The following ZNF804B variants were observed in gnomAD, a reference collection of about 807,000 sequenced individuals.
ZNF804B encodes the protein zinc finger 804B.
ZNF804B carries 80 observed loss-of-function variants against 101.4 expected under a neutral mutation model. The observed-to-expected ratio is 0.79, with a 90% CI of 0.66 to 0.95. The LOEUF is 0.95. Among genes scored for constraint, ZNF804B ranks in the 40% least tolerant of loss-of-function variants. ZNF804B has a pLI of 0.00. For synonymous variants in ZNF804B, 622 were observed against 558.8 expected, an observed-to-expected ratio of 1.11 and a Z score of -1.59; for missense variants, 1,673 against 1,561.9, an observed-to-expected ratio of 1.07 and a Z score of -1.20.
chr7:88,763,822 T>C (rs1789937890), intron 1 of ZNF804B, among the ~76,000 whole-genome samples: 1 of 152,164 alleles, frequency 6.6e-6, no homozygotes, highest in Admixed American at 6.5e-5. Context: ...AGAAGTTTTT[T>C]ATATATTATG....
intron 2 of ZNF804B, among the ~76,000 whole-genome samples, chr7:89,229,019 G>A (rs1214659678): frequency 2.0e-5 from 3 of 151,682 alleles, no homozygotes; most frequent in Admixed American, 6.6e-5. Context: ...CGGCTGCTCC[G>A]AGTGTGGGGC....
chr7:88,895,071 G>T (rs1387273911), intron 1 of ZNF804B, among the ~76,000 whole-genome samples: 1 of 152,044 alleles, frequency 6.6e-6, no homozygotes, highest in Non-Finnish European at 1.5e-5. Context: ...CACTGATGGG[G>T]GTATAGATTT....
In ZNF804B at chr7:89,137,953, G is replaced by C. The variant is rs4728801; in HGVS notation, c.109-80202G>C. Among the ~76,000 whole-genome samples, 1,377 of 152,214 alleles carry C rather than the reference G, an allele frequency of 9.0e-3. 43 individuals are homozygous for C. Among genetic ancestry groups the C allele is most frequent in the Admixed American group, 0.06 (922 of 15,274 alleles). On this transcript the variant is annotated intron_variant, in intron 1 of 3. Coordinates refer to ENST00000333190, the MANE Select transcript of ZNF804B (RefSeq NM_181646.5). Reference sequence around the variant, plus strand: ...GGTGCCCTGTGTCCAGGCTACTCTAGCCATGACTAAAAGGGCCAAGGTACA... The same window carrying C: ...GGTGCCCTGTGTCCAGGCTACTCTACCCATGACTAAAAGGGCCAAGGTACA...
At position 88,897,108 on chromosome 7, in the gene ZNF804B, C is replaced by A. The variant is rs980399103; in HGVS notation, c.108+137024C>A. ...TGCGATAGACTGACTGATGCCACCA[C>A]TAAAGATATCCATGCATTAACCCCC... On this transcript the variant is annotated intron_variant, in intron 1 of 3. Coordinates refer to ENST00000333190, the MANE Select transcript of ZNF804B (RefSeq NM_181646.5). Among the ~76,000 whole-genome samples the A allele has an allele frequency of 1.6e-4, 24 of 152,208 alleles. 1 individual carries two copies. Among genetic ancestry groups the A allele is most frequent in the African/African-American group, 2.4e-5 (1 of 41,456 alleles).
At chr7:88,831,526 C>A (rs1249052521) in intron 1 of ZNF804B, among the ~76,000 whole-genome samples, 1 of 151,540 alleles carries the variant, frequency 6.6e-6, no homozygotes, top group Non-Finnish European at 1.5e-5. Context: ...TGGTCAAGGA[C>A]TGGGCACATT....
chr7:89,314,916 C>A (rs801820), intron 2 of ZNF804B, among the ~76,000 whole-genome samples: 5,819 of 152,276 alleles, frequency 0.038, 178 homozygotes, highest in African/African-American at 0.076. Flanking sequence ...CTGCTCTAAC[C>A]TGTTCACCAA....
At position 89,334,461 on chromosome 7, in the gene ZNF804B, T is replaced by C; in HGVS notation, c.1479T>C (p.Asn493=). 1 of 1,613,644 alleles carries C rather than the reference T, an allele frequency of 6.2e-7. No individual in the cohort carries two copies. The highest frequency in any genetic ancestry group is 8.5e-7 in the Non-Finnish European group (1 of 1,179,822). ...KLSRNTKEDH[N]LEDLKTELGK... ...CTCGGAACACAAAGGAAGACCACAA[T>C]CTAGAGGACTTAAAAACAGAATTGG... The change falls in exon 4 of 4, where the codon AAT becomes AAC. Residue 493 remains asparagine (N), a synonymous_variant. Transcript: ENST00000333190.
intron 1 of ZNF804B, among the ~76,000 whole-genome samples, chr7:88,793,893 T>A (rs182588308): frequency 6.6e-6 from 1 of 151,928 alleles, no homozygotes. Flanking sequence ...TCAGCCATAC[T>A]TTTTTTTGAA....
At chr7:89,267,863 A>G (rs763365044) in intron 2 of ZNF804B, among the ~76,000 whole-genome samples, 4 of 152,148 alleles carry the variant, frequency 2.6e-5, no homozygotes, top group Non-Finnish European at 5.9e-5. Context: ...GAGATTAAAA[A>G]TCTGATTTGT....
In ZNF804B at chr7:89,042,936, C is replaced by T. The variant is rs543120360; in HGVS notation, c.109-175219C>T. Among the ~76,000 whole-genome samples, 85 of 152,198 alleles carry T rather than the reference C, an allele frequency of 5.6e-4. No individual in the cohort carries two copies. The Middle Eastern group carries it at 0.01, about 18-fold the overall frequency. On this transcript the variant is annotated intron_variant, in intron 1 of 3. Transcript: ENST00000333190. ...AATGAAATAATGCATATGTTATGTA[C>T]GCAGGCCAATTTAAATAAGCTATTC...
At chr7:89,090,907 A>G (rs1789875351) in intron 1 of ZNF804B, among the ~76,000 whole-genome samples, 1 of 152,134 alleles carries the variant, frequency 6.6e-6, no homozygotes. Context: ...GACTATACCA[A>G]ATGCAAAAAT....
chr7:89,338,122 C>A lies in ZNF804B; in HGVS notation c.*1090C>A, dbSNP rs1410957862. ...TGGCCGCCAAAATTTGCATTTCATA[C>A]ATCTATATTGGTGCATAATCCTACA... On this transcript the variant is annotated 3_prime_UTR_variant, in exon 4 of 4. Transcript: ENST00000333190. Among the ~76,000 whole-genome samples, 1 of 152,018 alleles carries A rather than the reference C, an allele frequency of 6.6e-6. No individual in the cohort carries two copies. The highest frequency in any genetic ancestry group is 1.5e-5 in the Non-Finnish European group (1 of 67,952).
intron 1 of ZNF804B, among the ~76,000 whole-genome samples, chr7:89,057,390 A>G (rs1789313952): frequency 6.6e-6 from 1 of 152,106 alleles, no homozygotes; most frequent in African/African-American, 2.4e-5. Context: ...CAGTTTCAAG[A>G]CTAAAGAGAT....
chr7:88,834,306 G>T (rs1282804801), intron 1 of ZNF804B, among the ~76,000 whole-genome samples: 1 of 151,806 alleles, frequency 6.6e-6, no homozygotes, highest in Non-Finnish European at 1.5e-5. Context: ...GACTGTTACA[G>T]CTATTATAAC....
rs796540032 is a variant in ZNF804B, at chr7:89,298,201, AGTGTGT to A, written c.250-29132_250-29127del. Among the ~76,000 whole-genome samples the A allele has an allele frequency of 7.0e-5, 5 of 71,532 alleles. No individual in the cohort carries two copies. In the South Asian group the frequency reaches 1.5e-3, roughly 22 times the overall value. 46.9% of individuals were successfully genotyped at this position (71,532 alleles called of 152,430 possible). A position where few individuals can be genotyped will look rare whatever the true frequency, so the allele number is the denominator to read the frequency against. On this transcript the variant is annotated intron_variant, in intron 2 of 3. Coordinates refer to ENST00000333190, the MANE Select transcript of ZNF804B (RefSeq NM_181646.5). ...ATATAGTGTGTATATATATCTATAT[AGTGTGT>A]GTGTGTGTGTATATATATATATATA...
At chr7:89,180,413 G>T (rs1431282789) in intron 1 of ZNF804B, among the ~76,000 whole-genome samples, 1 of 152,066 alleles carries the variant, frequency 6.6e-6, no homozygotes, top group Non-Finnish European at 1.5e-5. Context: ...CAAGCAGAGT[G>T]AGTCTTGCCC....
At chr7:89,167,368 G>C (rs1252908935) in intron 1 of ZNF804B, among the ~76,000 whole-genome samples, 2 of 151,740 alleles carry the variant, frequency 1.3e-5, no homozygotes, top group Non-Finnish European at 2.9e-5. Flanking sequence ...GCTGGAACCC[G>C]GGAGGTGGAG....
chr7:88,883,594 T>A (rs1234622784), intron 1 of ZNF804B, among the ~76,000 whole-genome samples: 1 of 152,104 alleles, frequency 6.6e-6, no homozygotes, highest in African/African-American at 2.4e-5. Context: ...AGCAAACATC[T>A]TCTAAGTTAG....
At chr7:88,869,136 C>G (rs2115874383) in intron 1 of ZNF804B, among the ~76,000 whole-genome samples, 1 of 152,308 alleles carries the variant, frequency 6.6e-6, no homozygotes, top group East Asian at 1.9e-4. Context: ...ATGCTTTCAT[C>G]TTACATGATA....
Sources: gnomAD v4.1 joint callset for allele counts (sites outside exome capture counted in the v4.1 genomes callset) on GRCh38, gnomAD v4.1.1 for gene constraint, MANE v1.5 for transcripts, NCBI Gene and HGNC (gene_info 2026-07-23, HGNC 2026-07-21) for gene names.